PDLIM5: variants seen among roughly 807,000 people sequenced by gnomAD.
The protein encoded by PDLIM5 is PDZ and LIM domain 5, also known as PDZ and LIM domain protein 5.
Under a neutral mutation model 64.2 loss-of-function variants are expected in PDLIM5, and 34 were observed. The observed-to-expected ratio is 0.53, with a 90% CI of 0.40 to 0.71. The LOEUF (loss-of-function observed/expected upper bound fraction) is 0.71, where lower values mean the gene tolerates loss of function less well. Ranked by LOEUF, PDLIM5 falls within the 30% of genes least tolerant of loss-of-function variation. PDLIM5 has a pLI of 0.00. For synonymous variants in PDLIM5, 253 were observed against 269.1 expected (o/e 0.94, Z 0.59); for missense variants, 683 against 733.6 (o/e 0.93, Z 0.80).
intron 2 of PDLIM5, among the ~76,000 whole-genome samples, chr4:94,487,663 A>G (rs1726476870): frequency 1.3e-5 from 2 of 152,198 alleles, no homozygotes; most frequent in South Asian, 2.1e-4. Context: ...TGGAGACTTC[A>G]TGGTGCTTAC....
intron 9 of PDLIM5, among the ~76,000 whole-genome samples, chr4:94,650,820 G>GC (rs1421604494): frequency 7.0e-6 from 1 of 143,632 alleles, no homozygotes; most frequent in Non-Finnish European, 1.5e-5. Context: ...CCCCCCACAT[G>GC]CCCCGCCTTT....
chr4:94,587,190 A>T, intron 7 of PDLIM5: 1 of 1,475,690 alleles, frequency 6.8e-7, no homozygotes, highest in Non-Finnish European at 8.9e-7. Context: ...AAAAAATAGA[A>T]CTTTTTCTAT....
intron 3 of PDLIM5, among the ~76,000 whole-genome samples, chr4:94,545,620 C>G (rs1363794110): frequency 6.6e-6 from 1 of 152,170 alleles, no homozygotes; most frequent in East Asian, 1.9e-4. Context: ...TTCTTAAGAG[C>G]ACTGTATTCC....
intron 5 of PDLIM5, among the ~76,000 whole-genome samples, chr4:94,576,409 G>A (rs1296840110): frequency 6.6e-6 from 1 of 152,150 alleles, no homozygotes; most frequent in Non-Finnish European, 1.5e-5. Flanking sequence ...GGTTACAGTT[G>A]CTGTCACCTT....
intron 2 of PDLIM5, chr4:94,455,637 C>G (rs1723271120): frequency 2.9e-6 from 2 of 699,728 alleles, no homozygotes; most frequent in South Asian, 1.9e-5. Flanking sequence ...TAACTAGGAA[C>G]AGACTGTACA....
intron 2 of PDLIM5, among the ~76,000 whole-genome samples, chr4:94,506,104 G>A (rs1242036537): frequency 2.6e-5 from 4 of 152,176 alleles, no homozygotes; most frequent in African/African-American, 9.7e-5. Flanking sequence ...AGGATTTTAG[G>A]AGCTGTAAGC....
chr4:94,475,623 A>G (rs1725256592), intron 2 of PDLIM5, among the ~76,000 whole-genome samples: 1 of 152,210 alleles, frequency 6.6e-6, no homozygotes, highest in Non-Finnish European at 1.5e-5. Flanking sequence ...GGGCAGGTGG[A>G]CACAGGGAGT....
intron 2 of PDLIM5, among the ~76,000 whole-genome samples, chr4:94,491,338 T>C (rs1414507270): frequency 1.3e-5 from 2 of 152,210 alleles, no homozygotes; most frequent in Non-Finnish European, 2.9e-5. Context: ...TATCCTTATC[T>C]AATATTTTAG....
At chr4:94,567,890 TG>T in intron 3 of PDLIM5, among the ~76,000 whole-genome samples, 1 of 152,236 alleles carries the variant, frequency 6.6e-6, no homozygotes, top group South Asian at 2.1e-4. Context: ...TTTGAATGGG[TG>T]GTATGGAAGT....
In PDLIM5 at chr4:94,585,608, CA is replaced by C; in HGVS notation, c.755del (p.His252LeufsTer13). On this transcript the variant is annotated frameshift_variant, in exon 6 of 13. Transcript: ENST00000317968. LOFTEE classifies it high-confidence loss of function. ...TGTGGAGCGCTATACAGAGTTTTAT[CA>C]TGTACCCACTCACAGTGATGCCAGC... is the stretch of plus-strand genomic sequence containing the variant. Reference protein sequence around the residue: ...HIVERYTEFYHVPTHSDASKK... With the variant: ...HIVERYTEFYXVPTHSDASKK... 2 of 1,612,986 alleles carry C rather than the reference CA, an allele frequency of 1.2e-6. No individual in the cohort carries two copies. Among genetic ancestry groups the C allele is most frequent in the Non-Finnish European group, 1.7e-6 (2 of 1,179,586 alleles).
At chr4:94,600,048 G>C (rs890948568) in intron 7 of PDLIM5, among the ~76,000 whole-genome samples, 4 of 152,156 alleles carry the variant, frequency 2.6e-5, no homozygotes, top group Non-Finnish European at 5.9e-5. Flanking sequence ...GATGACCCAA[G>C]GGATTTGAAC....
chr4:94,633,859 T>TGG (rs1740348122), intron 8 of PDLIM5, among the ~76,000 whole-genome samples: 1 of 152,168 alleles, frequency 6.6e-6, no homozygotes, highest in Non-Finnish European at 1.5e-5. Flanking sequence ...CCAGGAAAGC[T>TGG]ACATTGATAA....
intron 2 of PDLIM5, chr4:94,457,194 C>T (rs1357065480): frequency 1.2e-5 from 12 of 969,072 alleles, no homozygotes; most frequent in African/African-American, 1.8e-5. Flanking sequence ...ATTTTACTAA[C>T]GGAGTCTCCT....
intron 5 of PDLIM5, chr4:94,577,073 C>A: frequency 2.6e-6 from 1 of 384,276 alleles, no homozygotes; most frequent in Non-Finnish European, 5.1e-6. Context: ...CATTTTATTG[C>A]TTTTGGAATT....
intron 1 of PDLIM5, 116 bp downstream of exon 1, chr4:94,452,111 CGCTCCTCGGGCAGGGATG>C (rs1265401448): frequency 6.6e-6 from 1 of 152,352 alleles, no homozygotes; most frequent in Non-Finnish European, 1.5e-5. Context: ...GAGGAGGGGG[CGCTCCTCGGGCAGGGATG>C]GCTCCTCAGG....
chr4:94,492,172 A>G (rs1404631582), intron 2 of PDLIM5, among the ~76,000 whole-genome samples: 1 of 136,230 alleles, frequency 7.3e-6, no homozygotes, highest in African/African-American at 3.3e-5. Context: ...GAGAGGACCA[A>G]TTTAAATTTA....
At chr4:94,532,358 A>G (rs1161739593) in intron 3 of PDLIM5, among the ~76,000 whole-genome samples, 2 of 152,126 alleles carry the variant, frequency 1.3e-5, no homozygotes, top group East Asian at 3.8e-4. Context: ...AGCATGGGGA[A>G]GAAGAGAGAA....
intron 1 of PDLIM5, among the ~76,000 whole-genome samples, chr4:94,454,204 C>T (rs1393467411): frequency 6.6e-6 from 1 of 151,576 alleles, no homozygotes; most frequent in Admixed American, 6.6e-5. Flanking sequence ...AATTACATAT[C>T]TGTTATGTTT....
At chr4:94,481,419 G>T (rs1229555604) in intron 2 of PDLIM5, among the ~76,000 whole-genome samples, 5 of 151,598 alleles carry the variant, frequency 3.3e-5, no homozygotes, top group African/African-American at 9.7e-5. Context: ...GAGTAGCTGG[G>T]ATTACAGGCA....
Sources: gnomAD v4.1 joint callset for allele counts (sites outside exome capture counted in the v4.1 genomes callset) on GRCh38, gnomAD v4.1.1 for gene constraint, MANE v1.5 for transcripts, NCBI Gene and HGNC (gene_info 2026-07-23, HGNC 2026-07-21) for gene names.